Variants in ABAT observed in about 807,000 individuals in gnomAD.
ABAT encodes the protein 4-aminobutyrate aminotransferase.
A neutral mutation model predicts 64.6 loss-of-function variants in ABAT; 45 were observed. That is an observed-to-expected ratio of 0.70 (90% confidence interval 0.55 to 0.89). The LOEUF (loss-of-function observed/expected upper bound fraction) is 0.89. ABAT is among the 40% of genes least tolerant of loss of function. The pLI is 0.00. For synonymous variants in ABAT, 297 were observed against 250.5 expected, an observed-to-expected ratio of 1.19 and a Z score of -1.75; for missense variants, 633 against 658.4, an observed-to-expected ratio of 0.96 and a Z score of 0.42.
intron 1 of ABAT, among the ~76,000 whole-genome samples, chr16:8,695,268 GAGGAGAACTCTT>G (rs1223907000): frequency 6.6e-6 from 1 of 152,224 alleles, no homozygotes; most frequent in Non-Finnish European, 1.5e-5. Context: ...GTGGGAGAGA[GAGGAGAACTCTT>G]CAGAGATTTC....
At chr16:8,760,596 T>C (rs1238393107) in intron 6 of ABAT, among the ~76,000 whole-genome samples, 3 of 152,256 alleles carry the variant, frequency 2.0e-5, no homozygotes, top group Non-Finnish European at 4.4e-5. Context: ...TGAGGCCCAC[T>C]GAGGCCGGAG....
chr16:8,716,448 C>G (rs991314838), intron 1 of ABAT, among the ~76,000 whole-genome samples: 3 of 152,102 alleles, frequency 2.0e-5, no homozygotes, highest in African/African-American at 4.8e-5. Context: ...TTGCTGCAGT[C>G]GTGATCCCAG....
At chr16:8,762,095 C>T (rs1219512992) in intron 6 of ABAT, among the ~76,000 whole-genome samples, 1 of 152,076 alleles carries the variant, frequency 6.6e-6, no homozygotes, top group Non-Finnish European at 1.5e-5. Flanking sequence ...AACTCCTGGA[C>T]TCAAAAGATC....
intron 11 of ABAT, among the ~76,000 whole-genome samples, chr16:8,769,941 C>CTCAA (rs1415469015): frequency 1.3e-5 from 2 of 152,224 alleles, no homozygotes; most frequent in Non-Finnish European, 2.9e-5. Flanking sequence ...TGAGCACCTA[C>CTCAA]TAGATGTCAA....
At chr16:8,724,625 A>C (rs1039459643) in intron 1 of ABAT, among the ~76,000 whole-genome samples, 1 of 150,652 alleles carries the variant, frequency 6.6e-6, no homozygotes, top group Non-Finnish European at 1.5e-5. Context: ...AGTCCCAGCT[A>C]CTCGGTAGGC....
chr16:8,714,491 C>T (rs1368447376), intron 1 of ABAT: 1 of 152,256 alleles, frequency 6.6e-6, no homozygotes, highest in East Asian at 1.9e-4. Flanking sequence ...CATCTTGTGG[C>T]TGATTAGAAG....
intron 2 of ABAT, among the ~76,000 whole-genome samples, chr16:8,744,778 G>T (rs1018538868): frequency 6.6e-6 from 1 of 151,908 alleles, no homozygotes; most frequent in Non-Finnish European, 1.5e-5. Flanking sequence ...CGAGGCAGGA[G>T]AATCACTTGA....
chr16:8,688,696 T>C (rs942954712), intron 1 of ABAT, among the ~76,000 whole-genome samples: 1 of 152,116 alleles, frequency 6.6e-6, no homozygotes, highest in African/African-American at 2.4e-5. Flanking sequence ...CAAGTGATCC[T>C]CCCATCTCAG....
chr16:8,737,980 G>GAAA lies in ABAT; in HGVS notation c.70+2171_70+2172insAAA, dbSNP rs1567295603. Among the ~76,000 whole-genome samples, 42 of 77,714 alleles carry GAAA rather than the reference G, an allele frequency of 5.4e-4. 9 individuals carry two copies. The highest frequency in any genetic ancestry group is 1.4e-3 in the African/African-American group (24 of 16,620). The allele number at this position is 77,714 out of a possible 152,430, so 51.0% of individuals were successfully genotyped here. ...AGGAAGGAAGGAAGGAAGGAAGGAA[G>GAAA]GAAGGAAGGAGGAAAGAAAGAAAGA... On this transcript the variant is annotated intron_variant, in intron 2 of 15. Transcript: ENST00000268251.
intron 1 of ABAT, among the ~76,000 whole-genome samples, chr16:8,709,558 G>C (rs2058024412): frequency 6.6e-6 from 1 of 152,086 alleles, no homozygotes; most frequent in South Asian, 2.1e-4. Flanking sequence ...ATTTTCAGTA[G>C]AGACGGGGTT....
chr16:8,694,099 C>T (rs796242194), intron 1 of ABAT, among the ~76,000 whole-genome samples: 3 of 151,280 alleles, frequency 2.0e-5, no homozygotes, highest in African/African-American at 4.9e-5. Flanking sequence ...GCACGATCTC[C>T]GCTCACTGCA....
At chr16:8,698,788 A>C (rs1220699251) in intron 1 of ABAT, among the ~76,000 whole-genome samples, 1 of 152,102 alleles carries the variant, frequency 6.6e-6, no homozygotes, top group Non-Finnish European at 1.5e-5. Flanking sequence ...TACAAAAAAA[A>C]TACAAAAATT....
At chr16:8,771,236 G>A (rs1276347200) in intron 11 of ABAT, among the ~76,000 whole-genome samples, 1 of 151,592 alleles carries the variant, frequency 6.6e-6, no homozygotes, top group African/African-American at 2.4e-5. Flanking sequence ...TGGTGGTTGC[G>A]GTGAGCTGAG....
intron 2 of ABAT, among the ~76,000 whole-genome samples, chr16:8,738,622 G>GTT (rs1204824310): frequency 3.6e-5 from 4 of 111,428 alleles, no homozygotes; most frequent in African/African-American, 1.4e-4. Context: ...TTTTGTTTTT[G>GTT]TTTTTGTTTT....
At position 8,772,854 on chromosome 16, in the gene ABAT, C is replaced by G. The variant is rs142228298; in HGVS notation, c.891C>G (p.Ser297=). The change falls in exon 12 of 16, where the codon TCC becomes TCG. Residue 297 remains serine (S), a synonymous_variant. Transcript: ENST00000268251. ...VAGIIVEPIQ[S]EGGDNHASDD... ...GGATCATCGTGGAGCCCATCCAGTC[C>G]GAGGGTGGAGACAACCACGCATCCG... 9.9e-6 allele frequency: 16 copies of G among 1,614,004 alleles called. No homozygotes were observed. The African/African-American group carries it at 2.1e-4, about 22-fold the overall frequency.
chr16:8,783,665 A>C lies in ABAT; in HGVS notation c.*2235A>C, dbSNP rs376730939. 24 of 152,344 alleles carry C rather than the reference A, an allele frequency of 1.6e-4. No homozygotes were observed. Among genetic ancestry groups the C allele is most frequent in the African/African-American group, 5.5e-4 (23 of 41,584 alleles). 9.4% of individuals were successfully genotyped at this position (152,344 alleles called of 1,614,324 possible). Reference sequence around the variant, plus strand: ...ATGCAAACCAAACCATTATTCATTTATTGGCTTAAGTATGCTTTCTCCTGA... The same window carrying C: ...ATGCAAACCAAACCATTATTCATTTCTTGGCTTAAGTATGCTTTCTCCTGA... On this transcript the variant is annotated 3_prime_UTR_variant, in exon 16 of 16. Transcript: ENST00000268251.
At chr16:8,696,569 G>A (rs958232968) in intron 1 of ABAT, among the ~76,000 whole-genome samples, 4 of 152,158 alleles carry the variant, frequency 2.6e-5, no homozygotes, top group African/African-American at 9.7e-5. Context: ...GTGAGCCGAA[G>A]CTGTGGAGCC....
intron 1 of ABAT, among the ~76,000 whole-genome samples, chr16:8,693,555 G>A (rs150642733): frequency 4.6e-5 from 7 of 152,084 alleles, no homozygotes; most frequent in African/African-American, 7.2e-5. Flanking sequence ...TGCAACCTCC[G>A]CCTCCCGGGT....
At chr16:8,690,335 T>A (rs1325807766) in intron 1 of ABAT, among the ~76,000 whole-genome samples, 1 of 152,172 alleles carries the variant, frequency 6.6e-6, no homozygotes, top group Non-Finnish European at 1.5e-5. Flanking sequence ...TCATTCACCA[T>A]CATCTCTACT....
Sources: allele counts gnomAD v4.1 joint callset (sites outside exome capture counted in the v4.1 genomes callset), GRCh38; gene constraint gnomAD v4.1.1; transcripts MANE v1.5; gene names NCBI Gene and HGNC (gene_info 2026-07-23, HGNC 2026-07-21).